The following EMSY variants were observed in gnomAD, a reference collection of about 807,000 sequenced individuals.
EMSY encodes BRCA2-interacting transcriptional repressor EMSY.
In EMSY, 26 loss-of-function variants were observed where a neutral mutation model predicts 134.6. The observed-to-expected ratio is 0.19, with a 90% CI of 0.14 to 0.27. The LOEUF is 0.27. Ranked by LOEUF, EMSY falls within the 10% of genes least tolerant of loss-of-function variation. The pLI, the probability that EMSY is intolerant of heterozygous loss-of-function variation, is 1.00. For missense variants in EMSY, 1,305 were observed against 1,611.4 expected (o/e 0.81, Z 3.26); for synonymous variants, 579 against 577.8 (o/e 1.00, Z -0.03).
At chr11:76,507,853 C>G (rs1265028874) in intron 9 of EMSY, among the ~76,000 whole-genome samples, 1 of 115,400 alleles carries the variant, frequency 8.7e-6, no homozygotes, top group African/African-American at 3.1e-5. Context: ...TTTTCTTTTT[C>G]TTTTTCTTTT....
exon 6 of EMSY, chr11:76,460,014 A>T (rs1948042864): frequency 6.2e-7 from 1 of 1,614,084 alleles, no homozygotes; most frequent in Non-Finnish European, 8.5e-7. Context: ...GCAACGGTTA[A>T]GTCTCCAAGA....
At chr11:76,462,283 C>A (rs1453403240) in intron 6 of EMSY, among the ~76,000 whole-genome samples, 1 of 152,170 alleles carries the variant, frequency 6.6e-6, no homozygotes, top group African/African-American at 2.4e-5. Context: ...GAAAGTGCAT[C>A]TCAAACATGA....
At chr11:76,496,631 T>A in intron 9 of EMSY, 162 bp downstream of exon 10, 1 of 826,852 alleles carries the variant, frequency 1.2e-6, no homozygotes, top group Non-Finnish European at 2.0e-6. Context: ...ATATGTTTTG[T>A]TAGATTTGTA....
chr11:76,542,420 A>G, intron 18 of EMSY, 53 bp downstream of exon 19: 6 of 1,565,934 alleles, frequency 3.8e-6, no homozygotes, highest in Non-Finnish European at 5.3e-6. Flanking sequence ...TGCTTGAAAT[A>G]AGATTCAGTG....
intron 7 of EMSY, among the ~76,000 whole-genome samples, chr11:76,464,948 T>G (rs1325515784): frequency 1.3e-5 from 2 of 152,208 alleles, no homozygotes; most frequent in Non-Finnish European, 2.9e-5. Flanking sequence ...ATTATTGATT[T>G]TGGGAAGTCC....
At chr11:76,466,096 T>C (rs887885986) in intron 7 of EMSY, among the ~76,000 whole-genome samples, 1 of 151,882 alleles carries the variant, frequency 6.6e-6, no homozygotes, top group Non-Finnish European at 1.5e-5. Flanking sequence ...CCTCTGTTTT[T>C]AGCGTAGTAC....
intron 16 of EMSY, 54 bp from the exon 18 acceptor site, chr11:76,539,545 T>G (rs897111816): frequency 1.3e-6 from 2 of 1,571,868 alleles, no homozygotes; most frequent in African/African-American, 2.7e-5. Flanking sequence ...ACTAGATTCT[T>G]GCATGGTGAA....
At chr11:76,526,599 A>G (rs747515147) in exon 13 of EMSY, 1 of 1,613,396 alleles carries the variant, frequency 6.2e-7, no homozygotes. Flanking sequence ...AAATCATCCC[A>G]ACAAAAATTG....
intron 9 of EMSY, among the ~76,000 whole-genome samples, chr11:76,513,011 T>A (rs751898713): frequency 2.6e-5 from 4 of 152,198 alleles, no homozygotes; most frequent in Non-Finnish European, 4.4e-5. Flanking sequence ...AAAAGCACAT[T>A]ACCTTTTGTT....
intron 14 of EMSY, among the ~76,000 whole-genome samples, chr11:76,531,153 G>A (rs1050771900): frequency 2.0e-5 from 3 of 152,030 alleles, no homozygotes; most frequent in African/African-American, 7.2e-5. Flanking sequence ...ACTTACATTT[G>A]TAGGCCTATA....
intron 8 of EMSY, among the ~76,000 whole-genome samples, chr11:76,491,627 A>C (rs926616606): frequency 2.6e-5 from 4 of 152,122 alleles, no homozygotes; most frequent in African/African-American, 9.7e-5. Flanking sequence ...CACCCTAGCC[A>C]CCGTTTCCTA....
At chr11:76,534,663 G>A (rs1174268318) in intron 14 of EMSY, among the ~76,000 whole-genome samples, 1 of 152,024 alleles carries the variant, frequency 6.6e-6, no homozygotes, top group African/African-American at 2.4e-5. Flanking sequence ...TGTTTTGGGG[G>A]CTACTTGAAT....
intron 4 of EMSY, among the ~76,000 whole-genome samples, chr11:76,456,537 A>C (rs907681395): frequency 6.6e-6 from 1 of 152,194 alleles, no homozygotes; most frequent in African/African-American, 2.4e-5. Flanking sequence ...GTAAGCCAAG[A>C]ATATGCTGAA....
At chr11:76,539,664 A>G (rs754914481) in intron 17 of EMSY, 24 bp downstream of exon 18, 2 of 1,607,882 alleles carry the variant, frequency 1.2e-6, no homozygotes, top group Admixed American at 1.7e-5. Context: ...ATCCATTTGT[A>G]GTATCACTGA....
chr11:76,463,671 G>T, intron 6 of EMSY, 150 bp from the exon 8 acceptor site: 3 of 738,438 alleles, frequency 4.1e-6, no homozygotes, highest in Non-Finnish European at 6.4e-6. Context: ...GGCATTCAGA[G>T]ACCACTTCTC....
chr11:76,450,131 A>G (rs181475172), intron 2 of EMSY, among the ~76,000 whole-genome samples: 1 of 148,888 alleles, frequency 6.7e-6, no homozygotes, highest in Non-Finnish European at 1.5e-5. Flanking sequence ...TCTACGCTAG[A>G]TGATGTATTT....
At chr11:76,535,929 G>A (rs1230816485) in exon 15 of EMSY, 9 of 1,561,932 alleles carry the variant, frequency 5.8e-6, no homozygotes, top group Non-Finnish European at 7.8e-6. Flanking sequence ...TTGCTTCCCG[G>A]CGTCAGGATT....
chr11:76,544,138 C>A, intron 18 of EMSY, 121 bp from the exon 20 acceptor site: 1 of 1,054,186 alleles, frequency 9.5e-7, no homozygotes, highest in Non-Finnish European at 1.3e-6. Flanking sequence ...GTTTCTTGGC[C>A]TTTCTAGGTT....
At chr11:76,524,852 C>T (rs1950788283) in intron 12 of EMSY, among the ~76,000 whole-genome samples, 3 of 152,078 alleles carry the variant, frequency 2.0e-5, no homozygotes, top group South Asian at 4.2e-4. Context: ...GGTGAAACTC[C>T]GTATCTACAA....
Sources: gnomAD v4.1 joint callset for allele counts (sites outside exome capture counted in the v4.1 genomes callset) on GRCh38, gnomAD v4.1.1 for gene constraint, MANE v1.5 for transcripts, NCBI Gene and HGNC (gene_info 2026-07-23, HGNC 2026-07-21) for gene names.